BMPR1B: variants seen among roughly 807,000 people sequenced by gnomAD.
BMPR1B encodes bone morphogenetic protein receptor type-1B.
BMPR1B carries 12 observed loss-of-function variants against 59.1 expected under a neutral mutation model. The ratio of observed to expected loss-of-function variants is 0.20; its 90% CI spans 0.13 to 0.33. The LOEUF is 0.33. BMPR1B is among the 10% of genes least tolerant of loss of function. BMPR1B has a pLI of 1.00. For missense variants in BMPR1B, 550 were observed against 610.9 expected (o/e 0.90, Z 1.05); for synonymous variants, 237 against 207.3 (o/e 1.14, Z -1.23).
At chr4:94,768,340 A>C (rs968531840) in intron 1 of BMPR1B, among the ~76,000 whole-genome samples, 1 of 151,988 alleles carries the variant, frequency 6.6e-6, no homozygotes, top group African/African-American at 2.4e-5. Flanking sequence ...TTTAAAGAGA[A>C]AACTTACCTT....
intron 3 of BMPR1B, chr4:95,051,648 A>G: frequency 6.6e-7 from 1 of 1,515,812 alleles, no homozygotes; most frequent in Non-Finnish European, 8.9e-7. Flanking sequence ...ACGGAAAGGC[A>G]AGAAACAGGA....
At chr4:95,040,390 A>G (rs1211779832) in intron 3 of BMPR1B, among the ~76,000 whole-genome samples, 1 of 152,170 alleles carries the variant, frequency 6.6e-6, no homozygotes, top group African/African-American at 2.4e-5. Context: ...GACTTATTTT[A>G]TATCAGTTCA....
intron 3 of BMPR1B, among the ~76,000 whole-genome samples, chr4:95,069,885 A>T (rs932153454): frequency 3.7e-4 from 56 of 152,318 alleles, no homozygotes; most frequent in African/African-American, 1.2e-3. Context: ...GGATCACCTG[A>T]GGTTGGGAGT....
At chr4:95,138,093 G>C (rs1437863579) in intron 10 of BMPR1B, among the ~76,000 whole-genome samples, 1 of 152,160 alleles carries the variant, frequency 6.6e-6, no homozygotes, top group Non-Finnish European at 1.5e-5. Flanking sequence ...CTCTTGTAAG[G>C]CAGGCCTGAT....
intron 3 of BMPR1B, among the ~76,000 whole-genome samples, chr4:95,101,797 G>A (rs1730840921): frequency 6.6e-6 from 1 of 152,148 alleles, no homozygotes; most frequent in South Asian, 2.1e-4. Flanking sequence ...CATATGAGAA[G>A]ATTGTCATAT....
At chr4:95,082,155 C>G (rs1216876855) in intron 3 of BMPR1B, among the ~76,000 whole-genome samples, 5 of 127,632 alleles carry the variant, frequency 3.9e-5, no homozygotes, top group African/African-American at 1.5e-4. Context: ...CACAACAGTC[C>G]CCAGAGTGTG....
At chr4:95,028,852 T>C (rs1392487211) in intron 3 of BMPR1B, among the ~76,000 whole-genome samples, 1 of 151,960 alleles carries the variant, frequency 6.6e-6, no homozygotes, top group African/African-American at 2.4e-5. Flanking sequence ...AAAATATTAA[T>C]ATAAAGTTTA....
At chr4:95,004,069 T>C (rs1299761662) in intron 3 of BMPR1B, among the ~76,000 whole-genome samples, 10 of 152,096 alleles carry the variant, frequency 6.6e-5, no homozygotes, top group African/African-American at 2.4e-4. Flanking sequence ...TGGAATGATT[T>C]AAGAGGGTAG....
chr4:94,998,063 C>T (rs1327790034), intron 3 of BMPR1B, among the ~76,000 whole-genome samples: 1 of 152,076 alleles, frequency 6.6e-6, no homozygotes, highest in African/African-American at 2.4e-5. Flanking sequence ...AATTGTGACA[C>T]TGGTTGATAA....
intron 11 of BMPR1B, among the ~76,000 whole-genome samples, chr4:95,149,900 T>C (rs900556642): frequency 3.5e-4 from 53 of 152,222 alleles, no homozygotes; most frequent in African/African-American, 1.0e-3. Context: ...TTGTATCTGC[T>C]TCTGTGGTTG....
intron 3 of BMPR1B, among the ~76,000 whole-genome samples, chr4:95,058,491 G>A (rs1005172356): frequency 7.2e-5 from 11 of 152,072 alleles, no homozygotes; most frequent in African/African-American, 2.7e-4. Flanking sequence ...AATCAATTGT[G>A]TCACTTCCAT....
chr4:94,878,012 A>G (rs181240373), intron 2 of BMPR1B, among the ~76,000 whole-genome samples: 3 of 152,152 alleles, frequency 2.0e-5, no homozygotes, highest in Non-Finnish European at 4.4e-5. Flanking sequence ...ATATTGATGA[A>G]TGGTCTTATA....
chr4:94,994,238 C>G (rs372000508), intron 2 of BMPR1B, among the ~76,000 whole-genome samples: 45 of 152,308 alleles, frequency 3.0e-4, no homozygotes, highest in African/African-American at 9.6e-4. Flanking sequence ...CTTATTCCTT[C>G]TAGTTGGTTT....
chr4:94,789,253 A>G (rs919476135), intron 1 of BMPR1B, among the ~76,000 whole-genome samples: 29 of 152,236 alleles, frequency 1.9e-4, no homozygotes, highest in African/African-American at 6.3e-4. Flanking sequence ...GAGTTTTTTC[A>G]CCTTTACAAT....
At chr4:94,861,279 C>T (rs1725967219) in intron 1 of BMPR1B, among the ~76,000 whole-genome samples, 1 of 152,184 alleles carries the variant, frequency 6.6e-6, no homozygotes, top group African/African-American at 2.4e-5. Flanking sequence ...TTACCTCTCA[C>T]AGGTGTTATG....
chr4:94,903,732 A>T (rs1360009781), intron 2 of BMPR1B, among the ~76,000 whole-genome samples: 1 of 151,938 alleles, frequency 6.6e-6, no homozygotes, highest in Non-Finnish European at 1.5e-5. Context: ...GGTAGGCCTT[A>T]ATCCGGTATG....
intron 2 of BMPR1B, among the ~76,000 whole-genome samples, chr4:94,941,192 G>T (rs546304245): frequency 6.6e-6 from 1 of 152,254 alleles, no homozygotes; most frequent in South Asian, 2.1e-4. Context: ...CACTTTGGGA[G>T]GCCAAGGCAG....
chr4:94,979,360 A>G (rs897008060), intron 2 of BMPR1B, among the ~76,000 whole-genome samples: 1 of 152,232 alleles, frequency 6.6e-6, no homozygotes, highest in Non-Finnish European at 1.5e-5. Context: ...AAAAACTTAC[A>G]CATATTTTTG....
chr4:95,106,849 C>T (rs747470733), intron 4 of BMPR1B, among the ~76,000 whole-genome samples: 6 of 151,670 alleles, frequency 4.0e-5, no homozygotes, highest in Non-Finnish European at 5.9e-5. Flanking sequence ...AGGCTGTATC[C>T]GTGCTGCACT....
Sources: gnomAD v4.1 joint callset for allele counts (sites outside exome capture counted in the v4.1 genomes callset) on GRCh38, gnomAD v4.1.1 for gene constraint, MANE v1.5 for transcripts, NCBI Gene and HGNC (gene_info 2026-07-23, HGNC 2026-07-21) for gene names.